PIGK: variants seen among roughly 807,000 people sequenced by gnomAD.
PIGK encodes the protein GPI-anchor transamidase.
A neutral mutation model predicts 50.6 loss-of-function variants in PIGK; 42 were observed. The ratio of observed to expected loss-of-function variants is 0.83; its 90% confidence interval spans 0.65 to 1.07. PIGK has a LOEUF of 1.07. Ranked by LOEUF, PIGK falls within the 50% of genes least tolerant of loss-of-function variation. The pLI is 0.00. For missense variants in PIGK, 448 were observed against 488.7 expected (o/e 0.92, Z 0.78); for synonymous variants, 151 against 156.0 (o/e 0.97, Z 0.24).
At chr1:77,156,243 C>A (rs1042821463) in intron 8 of PIGK, among the ~76,000 whole-genome samples, 1 of 152,022 alleles carries the variant, frequency 6.6e-6, no homozygotes, top group East Asian at 1.9e-4. Context: ...TTCTTAGGTA[C>A]CAGCAGAAGA....
chr1:77,093,442 T>C (rs935515611), intron 10 of PIGK, among the ~76,000 whole-genome samples: 1 of 152,184 alleles, frequency 6.6e-6, no homozygotes, highest in African/African-American at 2.4e-5. Context: ...ACAGTTATGA[T>C]ATTAGAATCA....
rs114397489 is a variant in PIGK, at chr1:77,135,490, A to C, written c.987-13131T>G. 1.0e-3 allele frequency among the ~76,000 whole-genome samples: 155 copies of C among 152,000 alleles called. 2 individuals are homozygous for C. The highest frequency in any genetic ancestry group is 3.5e-3 in the African/African-American group (145 of 41,524). ...AGCAGTAGTTGCCTGTAATCCTTTCATTTTCAACTATTTAATATCATTATA... is the reference window on the plus strand; with the variant it reads ...AGCAGTAGTTGCCTGTAATCCTTTCCTTTTCAACTATTTAATATCATTATA... On this transcript the variant is annotated intron_variant, in intron 9 of 10. Coordinates refer to ENST00000370812, the MANE Select transcript of PIGK (RefSeq NM_005482.3).
At chr1:77,095,519 T>C (rs1653387679) in intron 10 of PIGK, among the ~76,000 whole-genome samples, 1 of 152,052 alleles carries the variant, frequency 6.6e-6, no homozygotes, top group African/African-American at 2.4e-5. Context: ...CAGTTCCCAG[T>C]GGCACACCTC....
At chr1:77,117,264 C>A (rs980609616) in intron 10 of PIGK, among the ~76,000 whole-genome samples, 14 of 152,184 alleles carry the variant, frequency 9.2e-5, no homozygotes, top group African/African-American at 3.4e-4. Flanking sequence ...TGAATCATAT[C>A]TCAAGTAGCT....
intron 10 of PIGK, among the ~76,000 whole-genome samples, chr1:77,104,177 A>C (rs1653613727): frequency 6.6e-6 from 1 of 152,160 alleles, no homozygotes; most frequent in African/African-American, 2.4e-5. Context: ...CAAAAAAACT[A>C]AAAACATCTA....
At chr1:77,204,240 T>C (rs1656237486) in intron 3 of PIGK, among the ~76,000 whole-genome samples, 1 of 152,166 alleles carries the variant, frequency 6.6e-6, no homozygotes, top group Non-Finnish European at 1.5e-5. Context: ...GTCTGTCTTA[T>C]ACGGTTGCAG....
At chr1:77,215,123 T>G (rs1034446702) in intron 1 of PIGK, among the ~76,000 whole-genome samples, 1 of 152,108 alleles carries the variant, frequency 6.6e-6, no homozygotes, top group Admixed American at 6.6e-5. Flanking sequence ...ACCAATGATA[T>G]TCTTCACAGA....
chr1:77,216,484 C>T (rs1438949874), intron 1 of PIGK, among the ~76,000 whole-genome samples: 5 of 152,028 alleles, frequency 3.3e-5, no homozygotes, highest in African/African-American at 7.3e-5. Context: ...GGATAAAATA[C>T]CCTTAATTTA....
Position 77,122,327 on chromosome 1 carries a change from A to ATTAG in PIGK, c.1015_1018dup (p.Met340ThrfsTer9). On this transcript the variant is annotated frameshift_variant, in exon 10 of 11. Coordinates refer to ENST00000370812, the MANE Select transcript of PIGK (RefSeq NM_005482.3). LOFTEE classifies it high-confidence loss of function. ...TTGTTCAGCATATTTCAGAGGTTCCATTAGTTTCTCATCCATCTGGTCTTC... is the reference window on the plus strand; with the variant it reads ...TTGTTCAGCATATTTCAGAGGTTCCATTAGTTAGTTTCTCATCCATCTGGTCTTC... 6.2e-7 allele frequency: 1 copy of ATTAG among 1,606,390 alleles called. No homozygotes were observed. Among genetic ancestry groups the ATTAG allele is most frequent in the Non-Finnish European group, 8.5e-7 (1 of 1,173,420 alleles).
Position 77,133,526 on chromosome 1 carries a change from G to A in PIGK, c.987-11167C>T, listed in dbSNP as rs372380824. Among the ~76,000 whole-genome samples, 29 of 151,920 alleles carry A rather than the reference G, an allele frequency of 1.9e-4. No individual in the cohort carries two copies. The East Asian group carries it at 2.9e-3, about 15-fold the overall frequency. ...TGTTTTTCTCTTGGTATATGATTACGGTGTACTAGTAATTTTTAATTGATG... is the reference window on the plus strand; with the variant it reads ...TGTTTTTCTCTTGGTATATGATTACAGTGTACTAGTAATTTTTAATTGATG... On this transcript the variant is annotated intron_variant, in intron 9 of 10. Transcript: ENST00000370812.
intron 3 of PIGK, among the ~76,000 whole-genome samples, chr1:77,176,455 G>C (rs566704351): frequency 1.1e-4 from 16 of 152,194 alleles, no homozygotes; most frequent in African/African-American, 3.9e-4. Context: ...ATATGTCTAA[G>C]TAATGCTATC....
chr1:77,105,671 A>G (rs1653653085), intron 10 of PIGK, among the ~76,000 whole-genome samples: 1 of 152,214 alleles, frequency 6.6e-6, no homozygotes, highest in Non-Finnish European at 1.5e-5. Flanking sequence ...AGCAGGGTTC[A>G]GTAAACTACA....
intron 4 of PIGK, among the ~76,000 whole-genome samples, chr1:77,168,823 T>C (rs1007701579): frequency 6.6e-6 from 1 of 151,950 alleles, no homozygotes; most frequent in Non-Finnish European, 1.5e-5. Flanking sequence ...TTTTTTACAT[T>C]TACATTTTTA....
chr1:77,124,380 G>C (rs923523131), intron 9 of PIGK, among the ~76,000 whole-genome samples: 1 of 152,086 alleles, frequency 6.6e-6, no homozygotes, highest in Non-Finnish European at 1.5e-5. Context: ...AGGCCGAGGC[G>C]GGTGCATCTC....
intron 9 of PIGK, among the ~76,000 whole-genome samples, chr1:77,151,879 T>C (rs1367934416): frequency 6.6e-6 from 1 of 152,148 alleles, no homozygotes; most frequent in Non-Finnish European, 1.5e-5. Flanking sequence ...TGCTCATGGA[T>C]TGCACGAAAT....
chr1:77,163,720 T>C, intron 6 of PIGK, 126 bp downstream of exon 6: 1 of 603,540 alleles, frequency 1.7e-6, no homozygotes, highest in Non-Finnish European at 2.9e-6. Flanking sequence ...CAAATGTAAA[T>C]TTAAAAGAGT....
At chr1:77,107,384 T>C (rs1653711745) in intron 10 of PIGK, among the ~76,000 whole-genome samples, 1 of 152,212 alleles carries the variant, frequency 6.6e-6, no homozygotes, top group African/African-American at 2.4e-5. Flanking sequence ...TCAGTTTCCA[T>C]GTAGTTGAGC....
At chr1:77,198,756 C>G (rs776302153) in intron 3 of PIGK, among the ~76,000 whole-genome samples, 10 of 151,750 alleles carry the variant, frequency 6.6e-5, no homozygotes, top group Non-Finnish European at 1.2e-4. Flanking sequence ...ATAGATAAAC[C>G]TTATTCATAA....
Position 77,107,146 on chromosome 1 carries a change from A to C in PIGK, c.1072-14656T>G, listed in dbSNP as rs377671630. ...CTTCTGCTAGCTTTTGAATGTGTTT[A>C]CTCTTGCTTCTCTAGTTCTTTTAAT... is the stretch of plus-strand genomic sequence containing the variant. On this transcript the variant is annotated intron_variant, in intron 10 of 10. Transcript: ENST00000370812. 4.4e-4 allele frequency among the ~76,000 whole-genome samples: 67 copies of C among 151,020 alleles called. No individual in the cohort carries two copies. In the Middle Eastern group the frequency reaches 0.017, roughly 39 times the overall value.
Sources: gnomAD v4.1 joint callset for allele counts (sites outside exome capture counted in the v4.1 genomes callset) on GRCh38, gnomAD v4.1.1 for gene constraint, MANE v1.5 for transcripts, NCBI Gene and HGNC (gene_info 2026-07-23, HGNC 2026-07-21) for gene names.